EEF2K: variants seen among roughly 807,000 people sequenced by gnomAD.
EEF2K encodes eukaryotic elongation factor 2 kinase.
In EEF2K, 70 loss-of-function variants were observed where a neutral mutation model predicts 93.8. That is an observed-to-expected ratio of 0.75 (90% confidence interval 0.62 to 0.91). The LOEUF is 0.91. EEF2K is among the 40% of genes least tolerant of loss of function. EEF2K has a pLI of 0.00. For synonymous variants in EEF2K, 376 were observed against 380.8 expected (o/e 0.99, Z 0.15); for missense variants, 935 against 972.9 (o/e 0.96, Z 0.52).
intron 3 of EEF2K, among the ~76,000 whole-genome samples, chr16:22,245,875 A>C (rs1430990139): frequency 6.6e-6 from 1 of 152,164 alleles, no homozygotes; most frequent in South Asian, 2.1e-4. Flanking sequence ...ACCCACAAGC[A>C]AGTAATCAGC....
intron 1 of EEF2K, among the ~76,000 whole-genome samples, chr16:22,210,877 T>G (rs2046907656): frequency 6.6e-6 from 1 of 151,452 alleles, no homozygotes; most frequent in African/African-American, 2.4e-5. Flanking sequence ...CTGGGAGGAG[T>G]TATGTAGCAA....
In EEF2K at chr16:22,210,370, T is replaced by C. The variant is rs1367550149; in HGVS notation, c.-77+3691T>C. 2.6e-5 allele frequency among the ~76,000 whole-genome samples: 4 copies of C among 152,288 alleles called. No homozygotes were observed. The South Asian group carries it at 8.3e-4, about 32-fold the overall frequency. ...TAGGCCAGCGTTTCTCTAACTTCAGTGCACATCAGCATCCCCAGCAGGACT... is the reference window on the plus strand; with the variant it reads ...TAGGCCAGCGTTTCTCTAACTTCAGCGCACATCAGCATCCCCAGCAGGACT... On this transcript the variant is annotated intron_variant, in intron 1 of 17. Transcript: ENST00000263026.
intron 2 of EEF2K, among the ~76,000 whole-genome samples, chr16:22,232,882 T>G (rs369906247): frequency 8.5e-6 from 1 of 116,984 alleles, no homozygotes; most frequent in Non-Finnish European, 1.7e-5. Context: ...ACCTAAGTGG[T>G]TTTTTTTTTA....
chr16:22,208,687 C>T (rs1319437036), intron 1 of EEF2K, among the ~76,000 whole-genome samples: 1 of 151,524 alleles, frequency 6.6e-6, no homozygotes, highest in Admixed American at 6.6e-5. Context: ...ATTGCTTGAC[C>T]CCAGGAGTTC....
In EEF2K at chr16:22,284,104, G is replaced by C. The variant is rs1034478090; in HGVS notation, c.*108G>C. On this transcript the variant is annotated 3_prime_UTR_variant, in exon 18 of 18. Transcript: ENST00000263026. ...TTGGGGAGGGGAAGCATTTTTAAGT[G>C]TGTTGTAAAATCAAATTTTATATTT... 1 of 1,009,782 alleles carries C rather than the reference G, an allele frequency of 9.9e-7. No individual in the cohort carries two copies. The highest frequency in any genetic ancestry group is 1.5e-6 in the Non-Finnish European group (1 of 684,970). 62.6% of individuals were successfully genotyped at this position (1,009,782 alleles called of 1,614,324 possible).
chr16:22,221,842 G>A (rs1272590209), intron 1 of EEF2K, among the ~76,000 whole-genome samples: 2 of 152,136 alleles, frequency 1.3e-5, no homozygotes, highest in African/African-American at 4.8e-5. Context: ...GGCCAAGACG[G>A]GCAGATCACT....
At chr16:22,260,325 C>T (rs914728759) in intron 10 of EEF2K, 137 bp from the exon 11 acceptor site, 4 of 794,524 alleles carry the variant, frequency 5.0e-6, no homozygotes, top group Admixed American at 4.9e-5. Context: ...CATTCTTCTC[C>T]TTTTTTGTGC....
chr16:22,280,663 C>CT (rs11289061), intron 17 of EEF2K, among the ~76,000 whole-genome samples: 1,717 of 130,098 alleles, frequency 0.013, 29 homozygotes, highest in East Asian at 0.055. Context: ...TCCTTTCTTT[C>CT]TTTTTTTTTT....
At chr16:22,273,559 A>T in intron 15 of EEF2K, 67 bp from the exon 16 acceptor site, 2 of 1,584,226 alleles carry the variant, frequency 1.3e-6, no homozygotes, top group Non-Finnish European at 1.7e-6. Flanking sequence ...GAGTAGTGAG[A>T]TCTTGGCAGC....
intron 2 of EEF2K, among the ~76,000 whole-genome samples, chr16:22,236,613 CA>C (rs1370062541): frequency 6.6e-6 from 1 of 151,766 alleles, no homozygotes; most frequent in Non-Finnish European, 1.5e-5. Flanking sequence ...CTCAAGTAAC[CA>C]GGGGCCTTGA....
chr16:22,279,190 ATTG>A (rs772260837), intron 16 of EEF2K, among the ~76,000 whole-genome samples: 2 of 150,866 alleles, frequency 1.3e-5, no homozygotes, highest in Non-Finnish European at 2.9e-5. Context: ...CTATGGGAAA[ATTG>A]TTGTAATATA....
At chr16:22,240,393 CTT>C (rs1410056703) in intron 2 of EEF2K, among the ~76,000 whole-genome samples, 1 of 152,096 alleles carries the variant, frequency 6.6e-6, no homozygotes, top group Non-Finnish European at 1.5e-5. Flanking sequence ...TGGAGTATAA[CTT>C]GGGATAAATT....
rs1397517151 is a variant in EEF2K, at chr16:22,266,834, C to T, written c.1722C>T (p.Tyr574=). Residue 574 remains tyrosine (Y), a synonymous_variant, in exon 15 of 18, where the codon TAC becomes TAT. Transcript: ENST00000263026. Reference sequence around the variant, plus strand: ...CCATCGTGGGCCTGGGACTCATGTACTCGCAGTTGCCTCATCACATCCTAG... The same window carrying T: ...CCATCGTGGGCCTGGGACTCATGTATTCGCAGTTGCCTCATCACATCCTAG... ...LEAIVGLGLM[Y]SQLPHHILAD... is the part of the protein sequence containing the mutation. The T allele has an allele frequency of 1.5e-5, 25 of 1,613,684 alleles. No individual in the cohort carries two copies. The highest frequency in any genetic ancestry group is 2.1e-5 in the Non-Finnish European group (25 of 1,179,872).
chr16:22,220,660 G>A (rs1598163770), intron 1 of EEF2K, among the ~76,000 whole-genome samples: 1 of 152,298 alleles, frequency 6.6e-6, no homozygotes, highest in South Asian at 2.1e-4. Flanking sequence ...CCCCAGGCTG[G>A]CCTCGAACTC....
intron 2 of EEF2K, among the ~76,000 whole-genome samples, chr16:22,240,479 T>A (rs928076900): frequency 6.6e-6 from 1 of 152,188 alleles, no homozygotes; most frequent in African/African-American, 2.4e-5. Flanking sequence ...AAATATGTAC[T>A]ACTGAGATCT....
chr16:22,227,973 A>G (rs2047079356), intron 2 of EEF2K, among the ~76,000 whole-genome samples: 1 of 135,784 alleles, frequency 7.4e-6, no homozygotes, highest in Non-Finnish European at 1.6e-5. Context: ...CAGCCATCCT[A>G]TGTAGTTACA....
At chr16:22,221,818 C>G (rs899061134) in intron 1 of EEF2K, among the ~76,000 whole-genome samples, 5 of 152,152 alleles carry the variant, frequency 3.3e-5, no homozygotes, top group Admixed American at 3.3e-4. Context: ...ATCTGTAATT[C>G]TAGCACTTTG....
chr16:22,247,431 G>A (rs2047306633), intron 3 of EEF2K, among the ~76,000 whole-genome samples: 1 of 147,696 alleles, frequency 6.8e-6, no homozygotes, highest in Non-Finnish European at 1.5e-5. Flanking sequence ...CTGGGTGATG[G>A]GGAGATTCTG....
chr16:22,263,222 CT>C (rs1397498956), intron 12 of EEF2K, 35 bp downstream of exon 12: 3 of 1,585,406 alleles, frequency 1.9e-6, no homozygotes, highest in Admixed American at 3.7e-5. Flanking sequence ...CCGGTGTCAC[CT>C]GTTGCCTTGT....
Sources: gnomAD v4.1 joint callset for allele counts (sites outside exome capture counted in the v4.1 genomes callset) on GRCh38, gnomAD v4.1.1 for gene constraint, MANE v1.5 for transcripts, NCBI Gene and HGNC (gene_info 2026-07-23, HGNC 2026-07-21) for gene names.